ADAM8: variants seen among roughly 807,000 people sequenced by gnomAD.
ADAM8 encodes disintegrin and metalloproteinase domain-containing protein 8.
Under a neutral mutation model 102.4 loss-of-function variants are expected in ADAM8, and 104 were observed. The observed-to-expected ratio is 1.02, with a 90% CI of 0.87 to 1.20. The LOEUF (loss-of-function observed/expected upper bound fraction) is 1.20. ADAM8 is among the 50% of genes most tolerant of loss of function. The pLI, the probability that ADAM8 is intolerant of heterozygous loss-of-function variation, is 0.00. For synonymous variants in ADAM8, 517 were observed against 485.2 expected (o/e 1.07, Z -0.86); for missense variants, 1,132 against 1,159.0 (o/e 0.98, Z 0.34).
At chr10:133,275,818 C>T (rs189782603) in intron 1 of ADAM8, 119 of 460,064 alleles carry the variant, frequency 2.6e-4, no homozygotes, top group Middle Eastern at 1.6e-3. Context: ...ACACAGTGCT[C>T]AGAGACGCTG....
chr10:133,273,769 C>T lies in ADAM8; in HGVS notation c.376G>A (p.Gly126Ser), dbSNP rs756551281. ...TTCGTCCGCCACACCCACCTGAGGC[C>T]GGCACAGGTGCTGAGGCTGGCGGCT... ...DSAASLSTCA[G>S]LRGFFQVGSD... The change falls in exon 5 of 23, where the codon GGC becomes AGC. Residue 126 changes from glycine (G) to serine (S), a missense_variant. Physicochemically the swap from Gly to Ser is moderately conservative, Grantham distance 56. Transcript: ENST00000445355. The T allele has an allele frequency of 5.7e-5, 88 of 1,548,496 alleles. No homozygotes were observed. In the East Asian group the frequency reaches 5.9e-4, roughly 10 times the overall value.
Sources: allele counts gnomAD v4.1 joint callset, GRCh38; gene constraint gnomAD v4.1.1; transcripts MANE v1.5; gene names NCBI Gene and HGNC (gene_info 2026-07-23, HGNC 2026-07-21).